FANCM: variants seen among roughly 807,000 people sequenced by gnomAD.
The protein encoded by FANCM is FA complementation group M.
Under a neutral mutation model 199.5 loss-of-function variants are expected in FANCM, and 140 were observed. That is an observed-to-expected ratio of 0.70 (90% confidence interval 0.61 to 0.81). The LOEUF is 0.81. Among genes scored for constraint, FANCM ranks in the 30% least tolerant of loss-of-function variants. The probability of loss-of-function intolerance (pLI) is 0.00; values close to 1 mark genes in which losing one functional copy is unlikely to be tolerated. For missense variants in FANCM, 2,410 were observed against 2,421.4 expected, an observed-to-expected ratio of 1.00 and a Z score of 0.10; for synonymous variants, 840 against 836.8, an observed-to-expected ratio of 1.00 and a Z score of -0.07.
In FANCM at chr14:45,135,934, A is replaced by T. The variant is rs1885448086; in HGVS notation, c.-98A>T. On this transcript the variant is annotated 5_prime_UTR_variant, in exon 1 of 23. Transcript: ENST00000267430. ...CCTTAGTCCCGCCTTCTCGTTCCAG[A>T]GTTTTGTGCGAAGGAAACCGATGGG... 1.5e-6 allele frequency: 2 copies of T among 1,326,828 alleles called. No individual in the cohort carries two copies. Among genetic ancestry groups the T allele is most frequent in the Admixed American group, 1.7e-5 (1 of 59,562 alleles). The allele number at this position is 1,326,828 out of a possible 1,614,324, so 82.2% of individuals were successfully genotyped here. A position where few individuals can be genotyped will look rare whatever the true frequency, so the allele number is the denominator to read the frequency against.
At chr14:45,155,823 CAAAG>C (rs1019294380) in intron 8 of FANCM, among the ~76,000 whole-genome samples, 6 of 152,172 alleles carry the variant, frequency 3.9e-5, no homozygotes, top group East Asian at 1.9e-4. Context: ...ATAAAACAAA[CAAAG>C]AAAAACCTTC....
At chr14:45,160,479 C>T (rs1887519575) in intron 9 of FANCM, among the ~76,000 whole-genome samples, 1 of 151,782 alleles carries the variant, frequency 6.6e-6, no homozygotes, top group South Asian at 2.1e-4. Flanking sequence ...CCCACCACCA[C>T]GCCCAGCTAA....
In FANCM at chr14:45,191,366, G is replaced by A. The variant is rs1047342405; in HGVS notation, c.5340+2004G>A. 2.6e-5 allele frequency among the ~76,000 whole-genome samples: 4 copies of A among 152,204 alleles called. 1 individual carries two copies. Among genetic ancestry groups the A allele is most frequent in the Non-Finnish European group, 5.9e-5 (4 of 68,036 alleles). ...CCTAGGCTTTTCTCGACAAGGCAGAGTCCCTCCTGACCCTGGGCTAAGCCT... is the reference window on the plus strand; with the variant it reads ...CCTAGGCTTTTCTCGACAAGGCAGAATCCCTCCTGACCCTGGGCTAAGCCT... On this transcript the variant is annotated intron_variant, in intron 20 of 22. Transcript: ENST00000267430.
In FANCM at chr14:45,136,340, G is replaced by A; in HGVS notation, c.309G>A (p.Leu103=). Residue 103 remains leucine, a synonymous_variant, in exon 1 of 23, where the codon CTG becomes CTA. Transcript: ENST00000267430. The part of the protein sequence containing the change: ...DYQLHISRAA[L]FCNTLVCLPT... ...AGCTGCACATTTCCCGGGCTGCTCTGTTTTGCAATACGCTGGTGTGTCTGC... is the reference window on the plus strand; with the variant it reads ...AGCTGCACATTTCCCGGGCTGCTCTATTTTGCAATACGCTGGTGTGTCTGC... 1.2e-6 allele frequency: 2 copies of A among 1,614,186 alleles called. No homozygotes were observed. The highest frequency in any genetic ancestry group is 1.7e-6 in the Non-Finnish European group (2 of 1,180,028).
At chr14:45,167,247 G>C in intron 11 of FANCM, 84 bp downstream of exon 11, 1 of 802,842 alleles carries the variant, frequency 1.2e-6, no homozygotes, top group Non-Finnish European at 2.2e-6. Flanking sequence ...TTTCTTGTTT[G>C]AAAAACTGAA....
Position 45,155,426 on chromosome 14 carries a change from G to A in FANCM, c.1363G>A (p.Glu455Lys). 1.3e-5 allele frequency: 19 copies of A among 1,496,358 alleles called. No homozygotes were observed. The highest frequency in any genetic ancestry group is 1.8e-5 in the Non-Finnish European group (19 of 1,074,258). The allele number at this position is 1,496,358 out of a possible 1,614,324, so 92.7% of individuals were successfully genotyped here. A position where few individuals can be genotyped will look rare whatever the true frequency, so the allele number is the denominator to read the frequency against. ...YSHPKLKKLE[E>K]VVIEHFKSWN... ...TCATCCAAAGTTAAAGAAATTAGAA[G>A]AAGTTGTAATTGAACACTTCAAGTC... The change falls in exon 8 of 23, where the codon GAA (glutamate) becomes AAA (lysine). Residue 455 changes from glutamate to lysine, a missense_variant. Physicochemically the swap from Glu to Lys is moderately conservative, Grantham distance 56. Coordinates refer to ENST00000267430, the MANE Select transcript of FANCM (RefSeq NM_020937.4).
At chr14:45,171,621 C>T (rs996672032) in intron 12 of FANCM, among the ~76,000 whole-genome samples, 1 of 152,042 alleles carries the variant, frequency 6.6e-6, no homozygotes, top group Non-Finnish European at 1.5e-5. Context: ...ATAATAGTCT[C>T]CAACTCCATC....
At chr14:45,197,980 G>A (rs1890161011) in intron 21 of FANCM, among the ~76,000 whole-genome samples, 1 of 150,522 alleles carries the variant, frequency 6.6e-6, no homozygotes, top group Non-Finnish European at 1.5e-5. Flanking sequence ...TGTTGGCCAG[G>A]ATGGTCTCGA....
chr14:45,175,148 G>A lies in FANCM; in HGVS notation c.2394G>A (p.Arg798=), dbSNP rs1888582399. 6.2e-7 allele frequency: 1 copy of A among 1,611,656 alleles called. No homozygotes were observed. The part of the protein sequence containing the change: ...EDVTSTFIAP[R]NESNNLASDT... ...TTACCTCAACATTTATTGCTCCCAG[G>A]AATGAATCTAATAATCTTGCCAGTG... The change falls in exon 14 of 23, where the codon AGG becomes AGA. Residue 798 remains arginine, a synonymous_variant. Transcript: ENST00000267430.
rs919328504 is a variant in FANCM at position 45,181,517 on chromosome 14, C to T, written c.4310C>T (p.Ser1437Phe). ...VKRAKGNVLNSPEDQKNSEVD... is the reference protein window; with the variant it reads ...VKRAKGNVLNFPEDQKNSEVD... Reference sequence around the variant, plus strand: ...AGAGCAAAAGGAAATGTTTTAAACTCTCCTGAGGTGAGTCATTCAGTAATC... The same window carrying T: ...AGAGCAAAAGGAAATGTTTTAAACTTTCCTGAGGTGAGTCATTCAGTAATC... Residue 1437 changes from serine (S) to phenylalanine (F), a missense_variant, in exon 15 of 23, where the codon TCT becomes TTT. By Grantham distance (155) the Ser-to-Phe change is radical. Transcript: ENST00000267430. 1.9e-6 allele frequency: 3 copies of T among 1,597,742 alleles called. No homozygotes were observed. The African/African-American group carries it at 4.0e-5, about 21-fold the overall frequency.
At chr14:45,186,366 G>A (rs1889401313) in intron 18 of FANCM, among the ~76,000 whole-genome samples, 1 of 152,200 alleles carries the variant, frequency 6.6e-6, no homozygotes, top group Non-Finnish European at 1.5e-5. Context: ...AAAACAGTGT[G>A]TTCATCCAAT....
chr14:45,137,643 C>G (rs1885616894), intron 2 of FANCM: 1 of 254,352 alleles, frequency 3.9e-6, no homozygotes, highest in South Asian at 4.5e-5. Context: ...ATAATGTATG[C>G]CACATACCTA....
intron 11 of FANCM, among the ~76,000 whole-genome samples, chr14:45,169,315 T>C (rs574619967): frequency 6.6e-6 from 1 of 152,236 alleles, no homozygotes; most frequent in Admixed American, 6.5e-5. Context: ...TGAGAGATCA[T>C]TTAGTTCAAA....
chr14:45,179,630 C>T (rs1470744889), intron 14 of FANCM, among the ~76,000 whole-genome samples: 14 of 147,418 alleles, frequency 9.5e-5, no homozygotes, highest in Middle Eastern at 3.5e-3. Context: ...GGCACGATCT[C>T]GGCTCACTGC....
At chr14:45,185,421 C>CTTA (rs761056079) in intron 18 of FANCM, 48 bp downstream of exon 18, 5 of 1,092,748 alleles carry the variant, frequency 4.6e-6, no homozygotes, top group Non-Finnish European at 6.6e-6. Flanking sequence ...TTTTTATGTG[C>CTTA]TTATATTTAA....
At chr14:45,155,279 C>T (rs926654333) in intron 7 of FANCM, 94 bp from the exon 8 acceptor site, 2 of 610,246 alleles carry the variant, frequency 3.3e-6, no homozygotes, top group Non-Finnish European at 5.9e-6. Flanking sequence ...AAAAATCCAA[C>T]ATATGCATTG....
intron 3 of FANCM, among the ~76,000 whole-genome samples, chr14:45,144,635 A>G (rs1886234739): frequency 6.6e-6 from 1 of 152,152 alleles, no homozygotes; most frequent in Non-Finnish European, 1.5e-5. Context: ...TAGGCCCATG[A>G]GGTGTACTGC....
At chr14:45,174,038 A>G (rs1888506673) in intron 13 of FANCM, among the ~76,000 whole-genome samples, 1 of 152,190 alleles carries the variant, frequency 6.6e-6, no homozygotes, top group Admixed American at 6.5e-5. Context: ...TGGAGTATAT[A>G]TACTAGCAGG....
At chr14:45,193,062 A>G (rs1402705480) in intron 20 of FANCM, among the ~76,000 whole-genome samples, 1 of 152,216 alleles carries the variant, frequency 6.6e-6, no homozygotes, top group South Asian at 2.1e-4. Context: ...ACTGTGGAAA[A>G]GGAACCATGC....
Sources: allele counts gnomAD v4.1 joint callset (sites outside exome capture counted in the v4.1 genomes callset), GRCh38; gene constraint gnomAD v4.1.1; transcripts MANE v1.5; gene names NCBI Gene and HGNC (gene_info 2026-07-23, HGNC 2026-07-21).